ACKR3: variants seen among roughly 807,000 people sequenced by gnomAD.
ACKR3 encodes the protein C-X-C chemokine receptor type 7.
A neutral mutation model predicts 22.4 loss-of-function variants in ACKR3; 6 were observed. The observed-to-expected ratio is 0.27, with a 90% confidence interval of 0.15 to 0.53. ACKR3 has a LOEUF of 0.53. Ranked by LOEUF, ACKR3 falls within the 20% of genes least tolerant of loss-of-function variation. ACKR3 has a pLI of 0.96. For synonymous variants in ACKR3, 209 were observed against 205.2 expected (o/e 1.02, Z -0.16); for missense variants, 396 against 475.2 (o/e 0.83, Z 1.55).
chr2:236,547,361 C>G, the ACKR3 span, among the ~76,000 whole-genome samples: 3 of 152,120 alleles, frequency 2.0e-5, no homozygotes, highest in Non-Finnish European at 4.4e-5. Flanking sequence ...TTTAGAGAGG[C>G]AAATTTATCT....
Position 236,580,494 on chromosome 2 carries a change from A to C in ACKR3, c.29A>C (p.Glu10Ala), listed in dbSNP as rs749053145. The change falls in exon 2 of 2, where the codon GAG (glutamate) becomes GCG (alanine). Residue 10 changes from glutamate (E) to alanine (A), a missense_variant. By Grantham distance (107) the Glu-to-Ala change is moderately radical (BLOSUM62 -1). Transcript: ENST00000272928. MDLHLFDYS[E>A]PGNFSDISWP... ...GATCTGCATCTCTTCGACTACTCAG[A>C]GCCAGGGAACTTCTCGGACATCAGC... 2.5e-6 allele frequency: 4 copies of C among 1,613,844 alleles called. No homozygotes were observed. Among genetic ancestry groups the C allele is most frequent in the Non-Finnish European group, 3.4e-6 (4 of 1,179,694 alleles).
At chr2:236,560,617 C>T in the ACKR3 span, among the ~76,000 whole-genome samples, 1 of 152,120 alleles carries the variant, frequency 6.6e-6, no homozygotes, top group Admixed American at 6.5e-5. Flanking sequence ...CATATTTCCC[C>T]CCATTCCATA....
intron 1 of ACKR3, among the ~76,000 whole-genome samples, chr2:236,573,759 G>A (rs912260616): frequency 2.6e-5 from 4 of 152,190 alleles, no homozygotes; most frequent in African/African-American, 4.8e-5. Context: ...TGTGGGGTTC[G>A]TATCACTTCC....
chr2:236,566,694 T>A (rs1390288268), upstream of ACKR3, among the ~76,000 whole-genome samples: 1 of 141,270 alleles, frequency 7.1e-6, no homozygotes, highest in Non-Finnish European at 1.5e-5. Flanking sequence ...TGCTCGGGTC[T>A]GTCCCTCTTT....
At chr2:236,560,902 C>G in the ACKR3 span, among the ~76,000 whole-genome samples, 1 of 152,104 alleles carries the variant, frequency 6.6e-6, no homozygotes, top group Non-Finnish European at 1.5e-5. Context: ...AAGGAAACAG[C>G]CTAAATGTCC....
the ACKR3 span, among the ~76,000 whole-genome samples, chr2:236,560,626 T>C: frequency 9.2e-5 from 14 of 152,186 alleles, no homozygotes; most frequent in African/African-American, 2.9e-4. Flanking sequence ...CCCCATTCCA[T>C]AGGTTGCCTT....
At chr2:236,573,654 C>A (rs1039962528) in intron 1 of ACKR3, among the ~76,000 whole-genome samples, 1 of 152,222 alleles carries the variant, frequency 6.6e-6, no homozygotes, top group Non-Finnish European at 1.5e-5. Context: ...CAGGCCTGGC[C>A]TGAGTTATCT....
chr2:236,549,180 C>A, the ACKR3 span, among the ~76,000 whole-genome samples: 1 of 152,226 alleles, frequency 6.6e-6, no homozygotes, highest in Non-Finnish European at 1.5e-5. This position sits in a 1 kb window ranked among gnomAD's most constrained non-coding sequence, Gnocchi z 5.3. Flanking sequence ...CCCCTGCCCT[C>A]TTCCTGTGTC....
chr2:236,551,003 T>C, the ACKR3 span, among the ~76,000 whole-genome samples: 1 of 152,184 alleles, frequency 6.6e-6, no homozygotes, highest in Non-Finnish European at 1.5e-5. Flanking sequence ...GTCCTTGTTA[T>C]GGGGACAGTG....
At chr2:236,557,921 A>C in the ACKR3 span, among the ~76,000 whole-genome samples, 1 of 152,214 alleles carries the variant, frequency 6.6e-6, no homozygotes, top group Non-Finnish European at 1.5e-5. Flanking sequence ...AAATGGAAGG[A>C]TATTCTACAA....
chr2:236,538,266 A>C, the ACKR3 span, among the ~76,000 whole-genome samples: 1 of 152,276 alleles, frequency 6.6e-6, no homozygotes, highest in Non-Finnish European at 1.5e-5. Flanking sequence ...GCAAAGTAAC[A>C]GGAGCTTTAG....
chr2:236,553,461 C>T, the ACKR3 span, among the ~76,000 whole-genome samples: 6 of 152,298 alleles, frequency 3.9e-5, 1 homozygote, highest in South Asian at 1.2e-3. Flanking sequence ...TAAAGAAAGG[C>T]CAGAGGGAGA....
At chr2:236,557,498 T>C in the ACKR3 span, among the ~76,000 whole-genome samples, 1 of 152,156 alleles carries the variant, frequency 6.6e-6, no homozygotes, top group Non-Finnish European at 1.5e-5. Context: ...ATTCAAAGAA[T>C]GATGGCCATA....
chr2:236,580,288 T>G (rs1019844635), intron 1 of ACKR3, among the ~76,000 whole-genome samples, 152 bp from the exon 2 acceptor site: 3 of 152,240 alleles, frequency 2.0e-5, no homozygotes, highest in Non-Finnish European at 4.4e-5. Flanking sequence ...ATGAATTTTT[T>G]TTCTCCCTTC....
the ACKR3 span, among the ~76,000 whole-genome samples, chr2:236,560,531 C>CT: frequency 2.0e-5 from 3 of 152,026 alleles, no homozygotes; most frequent in Admixed American, 6.6e-5. Flanking sequence ...GACTATTGTT[C>CT]TTTTTTTCCC....
At chr2:236,563,994 G>A (rs1691130011), upstream of ACKR3, among the ~76,000 whole-genome samples, 1 of 152,136 alleles carries the variant, frequency 6.6e-6, no homozygotes, top group African/African-American at 2.4e-5. Context: ...AGGAGAATAG[G>A]GTCTGGAGAC....
rs1691433848 is a variant in ACKR3, at chr2:236,577,465, G to T, written c.-26-2975G>T. Among the ~76,000 whole-genome samples, 1 of 152,216 alleles carries T rather than the reference G, an allele frequency of 6.6e-6. No homozygotes were observed. The highest frequency in any genetic ancestry group is 2.4e-5 in the African/African-American group (1 of 41,470). ...CTCTCAGTCCCACTCTGGGCTCTGA[G>T]AATACTGAAGGCTGCTGGTAGCTCA... On this transcript the variant is annotated intron_variant, in intron 1 of 1. Transcript: ENST00000272928. This position sits in a 1 kb window ranked among gnomAD's most constrained non-coding sequence, Gnocchi z 5.6.
At chr2:236,566,736 C>CTTCT (rs1691190539), upstream of ACKR3, among the ~76,000 whole-genome samples, 1 of 148,258 alleles carries the variant, frequency 6.7e-6, no homozygotes, top group Non-Finnish European at 1.5e-5. Flanking sequence ...TCCTTCCTTC[C>CTTCT]TTCCTTCCTT....
chr2:236,559,578 A>G, the ACKR3 span, among the ~76,000 whole-genome samples: 14 of 152,166 alleles, frequency 9.2e-5, no homozygotes, highest in Admixed American at 9.2e-4. Context: ...CTTTATCTGA[A>G]CATTCTGCAA....
Sources: allele counts gnomAD v4.1 joint callset (sites outside exome capture counted in the v4.1 genomes callset), GRCh38; gene constraint gnomAD v4.1.1; non-coding constraint Gnocchi (gnomAD v3.1); transcripts MANE v1.5; gene names NCBI Gene and HGNC (gene_info 2026-07-23, HGNC 2026-07-21).